Variants in SAXO1 observed in about 807,000 individuals in gnomAD.
The protein encoded by SAXO1 is stabilizer of axonemal microtubules 1.
A neutral mutation model predicts 17.5 loss-of-function variants in SAXO1; 21 were observed. That is an observed-to-expected ratio of 1.20 (90% confidence interval 0.85 to 1.72). The LOEUF is 1.72. Among genes scored for constraint, SAXO1 ranks in the 40% most tolerant of loss-of-function variants. SAXO1 has a pLI of 0.00. For missense variants in SAXO1, 843 were observed against 596.0 expected, an observed-to-expected ratio of 1.41 and a Z score of -4.32; for synonymous variants, 274 against 216.5, an observed-to-expected ratio of 1.27 and a Z score of -2.33.
In SAXO1 at chr9:18,938,223, C is replaced by T. The variant is rs960225818; in HGVS notation, c.421+3414G>A. On this transcript the variant is annotated intron_variant, in intron 3 of 3. Coordinates refer to ENST00000380534, the MANE Select transcript of SAXO1 (RefSeq NM_153707.4). ...AGGATTTTCTCAATTTTAACTTTGT[C>T]AGTAGGGAAGTCAGCCATTATATTA... 3.6e-4 allele frequency among the ~76,000 whole-genome samples: 55 copies of T among 152,110 alleles called. 1 individual carries two copies. Among genetic ancestry groups the T allele is most frequent in the Admixed American group, 3.3e-3 (51 of 15,268 alleles).
chr9:19,042,270 T>C (rs916138139), intron 1 of SAXO1, among the ~76,000 whole-genome samples: 11 of 152,156 alleles, frequency 7.2e-5, no homozygotes, highest in Admixed American at 6.5e-4. Flanking sequence ...TAAAATGGCT[T>C]TTATCCAAAT....
intron 1 of SAXO1, among the ~76,000 whole-genome samples, chr9:19,043,174 C>G (rs1308411763): frequency 6.6e-6 from 1 of 150,904 alleles, no homozygotes; most frequent in Non-Finnish European, 1.5e-5. Flanking sequence ...CCTGTCCCCC[C>G]AAAAAAGAAA....
chr9:19,009,365 G>A (rs758423152), intron 1 of SAXO1, among the ~76,000 whole-genome samples: 11 of 152,122 alleles, frequency 7.2e-5, no homozygotes, highest in Non-Finnish European at 1.2e-4. Flanking sequence ...TAAGCATGGG[G>A]AGTCCTGCCA....
chr9:18,977,249 G>C (rs1361246939), intron 1 of SAXO1, among the ~76,000 whole-genome samples: 2 of 152,190 alleles, frequency 1.3e-5, no homozygotes, highest in Admixed American at 6.5e-5. Flanking sequence ...GTGGTTCATA[G>C]TTTCTTCTCA....
intron 1 of SAXO1, among the ~76,000 whole-genome samples, chr9:18,970,699 T>G (rs1024503341): frequency 6.6e-6 from 1 of 152,142 alleles, no homozygotes; most frequent in Non-Finnish European, 1.5e-5. Flanking sequence ...CCTGGAACAG[T>G]TGCATTTCAT....
At chr9:18,990,023 C>G (rs1038210171) in intron 1 of SAXO1, among the ~76,000 whole-genome samples, 1 of 152,168 alleles carries the variant, frequency 6.6e-6, no homozygotes, top group Admixed American at 6.5e-5. Context: ...GGTATTGCCA[C>G]CTTTATTTTG....
At chr9:19,042,874 G>A (rs903070255) in intron 1 of SAXO1, among the ~76,000 whole-genome samples, 1 of 148,880 alleles carries the variant, frequency 6.7e-6, no homozygotes, top group African/African-American at 2.5e-5. Context: ...TAAAGAGAAA[G>A]AAAGAAAGAA....
At chr9:19,015,477 G>A (rs1415602717) in intron 1 of SAXO1, among the ~76,000 whole-genome samples, 2 of 152,118 alleles carry the variant, frequency 1.3e-5, no homozygotes, top group Non-Finnish European at 2.9e-5. Context: ...CCAAGTAGCT[G>A]GGATTATGTG....
intron 1 of SAXO1, among the ~76,000 whole-genome samples, chr9:18,960,541 A>T (rs1832442543): frequency 6.6e-6 from 1 of 152,132 alleles, no homozygotes; most frequent in Non-Finnish European, 1.5e-5. Context: ...ACTTTGGAAG[A>T]CTGAGGTGTG....
intron 1 of SAXO1, among the ~76,000 whole-genome samples, chr9:18,995,610 C>T (rs536680337): frequency 1.3e-5 from 2 of 152,334 alleles, no homozygotes; most frequent in East Asian, 1.9e-4. Context: ...ATCCCAGTCA[C>T]TTCCAGGGAC....
At chr9:19,011,849 A>ATT (rs1211848537) in intron 1 of SAXO1, among the ~76,000 whole-genome samples, 4 of 144,774 alleles carry the variant, frequency 2.8e-5, no homozygotes, top group Admixed American at 7.0e-5. Flanking sequence ...TTAAGCATAG[A>ATT]TTTTTTTTTT....
At chr9:18,931,051 A>G (rs541578101) in intron 3 of SAXO1, among the ~76,000 whole-genome samples, 1 of 152,376 alleles carries the variant, frequency 6.6e-6, no homozygotes, top group East Asian at 1.9e-4. Flanking sequence ...TGCATAATAA[A>G]AGGTACCATC....
intron 3 of SAXO1, among the ~76,000 whole-genome samples, chr9:18,930,020 G>T (rs1010298113): frequency 1.3e-5 from 2 of 152,220 alleles, no homozygotes; most frequent in Non-Finnish European, 2.9e-5. Flanking sequence ...GCTCAGAGGA[G>T]CTAAGAAACT....
At chr9:18,998,896 A>C (rs1361691513) in intron 1 of SAXO1, among the ~76,000 whole-genome samples, 3 of 152,230 alleles carry the variant, frequency 2.0e-5, no homozygotes, top group Non-Finnish European at 2.9e-5. Context: ...CTTTACAGAA[A>C]GCAAATGCTG....
In SAXO1 at chr9:19,032,758, G is replaced by T. The variant is rs1835820602; in HGVS notation, c.38+113C>A. On this transcript the variant is annotated intron_variant, in intron 1 of 3. Coordinates refer to ENST00000380534, the MANE Select transcript of SAXO1 (RefSeq NM_153707.4). ...AATTGTGGCTTAAAAAACGTAGCAA[G>T]TGGACGAACCCACCGTGATGCCGCC... 6.8e-6 allele frequency: 8 copies of T among 1,168,636 alleles called. No homozygotes were observed. In the South Asian group the frequency reaches 1.1e-4, roughly 17 times the overall value. 72.4% of individuals were successfully genotyped at this position (1,168,636 alleles called of 1,614,324 possible). A position where few individuals can be genotyped will look rare whatever the true frequency, so the allele number is the denominator to read the frequency against.
intron 3 of SAXO1, 26 bp downstream of exon 3, chr9:18,941,611 C>T: frequency 1.2e-6 from 2 of 1,613,512 alleles, no homozygotes; most frequent in South Asian, 1.1e-5. Flanking sequence ...GTCTTTCCCC[C>T]AATCTGCCCC....
chr9:18,992,169 T>A (rs993515427), intron 1 of SAXO1, among the ~76,000 whole-genome samples: 1 of 152,198 alleles, frequency 6.6e-6, no homozygotes, highest in African/African-American at 2.4e-5. Context: ...TTCCTGGGGC[T>A]GCCATAACAA....
At chr9:19,022,335 G>C (rs1401138502) in intron 1 of SAXO1, among the ~76,000 whole-genome samples, 1 of 152,226 alleles carries the variant, frequency 6.6e-6, no homozygotes, top group Non-Finnish European at 1.5e-5. Context: ...TTCACTGCGA[G>C]AGTCTGCGGC....
intron 3 of SAXO1, among the ~76,000 whole-genome samples, chr9:18,936,607 T>G (rs551607480): frequency 2.6e-5 from 4 of 152,324 alleles, no homozygotes; most frequent in Admixed American, 1.3e-4. Flanking sequence ...CAGCATTTAT[T>G]ACCAAAAACC....
Sources: gnomAD v4.1 joint callset for allele counts (sites outside exome capture counted in the v4.1 genomes callset) on GRCh38, gnomAD v4.1.1 for gene constraint, MANE v1.5 for transcripts, NCBI Gene and HGNC (gene_info 2026-07-23, HGNC 2026-07-21) for gene names.